SVIL: variants seen among roughly 807,000 people sequenced by gnomAD.
The protein encoded by SVIL is supervillin, also known as archvillin.
In SVIL, 101 loss-of-function variants were observed where a neutral mutation model predicts 240.4. The observed-to-expected ratio is 0.42, with a 90% CI of 0.36 to 0.50. SVIL has a LOEUF of 0.50. Among genes scored for constraint, SVIL ranks in the 20% least tolerant of loss-of-function variants. The probability of loss-of-function intolerance (pLI) is 0.01; values close to 1 mark genes in which losing one functional copy is unlikely to be tolerated. For synonymous variants in SVIL, 999 were observed against 1,100.0 expected (o/e 0.91, Z 1.82); for missense variants, 2,512 against 2,818.7 (o/e 0.89, Z 2.46).
chr10:29,594,388 A>C (rs1956501169), intron 1 of SVIL, among the ~76,000 whole-genome samples: 2 of 152,026 alleles, frequency 1.3e-5, no homozygotes, highest in African/African-American at 4.8e-5. Flanking sequence ...CTATACACCA[A>C]GAGTAAACCC....
chr10:29,585,738 G>A (rs1450804667), intron 1 of SVIL, among the ~76,000 whole-genome samples: 1 of 152,184 alleles, frequency 6.6e-6, no homozygotes, highest in Non-Finnish European at 1.5e-5. Flanking sequence ...ATGAGCCCTG[G>A]TGCCCCAAGA....
rs145077377 is a variant in SVIL, at chr10:29,465,723, C to T, written c.6005G>A (p.Arg2002His). The change falls in exon 34 of 38, where the codon CGC becomes CAC. Residue 2002 changes from arginine (R) to histidine (H), a missense_variant. This residue lies in a region of SVIL where 797 missense variants were observed against 925.3 expected (regional missense o/e 0.86). Coordinates refer to ENST00000355867, the MANE Select transcript of SVIL (RefSeq NM_021738.3). The part of the protein sequence containing the change: ...QDPGSFNFAP[R>H]LFILSSSSGD... ...AGAGGAGCTGCTGAGGATGAACAGG[C>T]GGGGCGCGAAGTTAAAACTTCCAGG... The T allele has an allele frequency of 1.2e-5, 19 of 1,612,394 alleles. No homozygotes were observed. The African/African-American group carries it at 1.3e-4, about 11-fold the overall frequency.
chr10:29,680,103 T>A (rs1029239024), intron 2 of SVIL, among the ~76,000 whole-genome samples: 2 of 152,096 alleles, frequency 1.3e-5, no homozygotes, highest in African/African-American at 4.8e-5. Flanking sequence ...GAGGATCTCT[T>A]AAGTCCAAGG....
chr10:29,617,353 T>G (rs1436769593), intron 1 of SVIL, among the ~76,000 whole-genome samples: 1 of 152,172 alleles, frequency 6.6e-6, no homozygotes, highest in East Asian at 1.9e-4. Context: ...GAAAGAGTTT[T>G]TCTTCCCTGA....
chr10:29,627,037 G>GAAAAT (rs142035627), intron 1 of SVIL, among the ~76,000 whole-genome samples: 2,533 of 150,974 alleles, frequency 0.017, 80 homozygotes, highest in African/African-American at 0.058. Context: ...AAAATAAAAT[G>GAAAAT]AAAATAAAAT....
chr10:29,670,994 G>C (rs1959728862), intron 2 of SVIL: 1 of 152,018 alleles, frequency 6.6e-6, no homozygotes, highest in Non-Finnish European at 1.5e-5. Flanking sequence ...CCAACCCTAA[G>C]AGCAACAACA....
chr10:29,590,466 TGATA>T (rs1347098155), intron 1 of SVIL, among the ~76,000 whole-genome samples: 1 of 152,156 alleles, frequency 6.6e-6, no homozygotes, highest in African/African-American at 2.4e-5. Flanking sequence ...ATGGACAGAA[TGATA>T]GATTTTTATC....
chr10:29,581,172 G>C (rs1389648751), intron 1 of SVIL, among the ~76,000 whole-genome samples: 1 of 152,182 alleles, frequency 6.6e-6, no homozygotes, highest in Admixed American at 6.5e-5. Context: ...TTGTATGCTA[G>C]CAACAGCCAT....
intron 1 of SVIL, among the ~76,000 whole-genome samples, chr10:29,578,000 TG>T (rs1351280158): frequency 1.3e-5 from 2 of 152,198 alleles, no homozygotes; most frequent in Non-Finnish European, 2.9e-5. Flanking sequence ...CATTTATAAA[TG>T]TGTATTTGTG....
chr10:29,496,517 A>G (rs1204280983), intron 18 of SVIL: 2 of 427,920 alleles, frequency 4.7e-6, no homozygotes, highest in Non-Finnish European at 9.3e-6. Flanking sequence ...GGAGAAATCC[A>G]TCCGTGTCCT....
intron 1 of SVIL, among the ~76,000 whole-genome samples, chr10:29,722,160 C>T (rs1964026232): frequency 6.6e-6 from 1 of 150,626 alleles, no homozygotes. Flanking sequence ...ATCGTTTGAA[C>T]CCAGGAGGTG....
intron 8 of SVIL, 149 bp downstream of exon 8, chr10:29,532,380 T>C: frequency 7.3e-7 from 1 of 1,374,732 alleles, no homozygotes; most frequent in Non-Finnish European, 9.6e-7. Context: ...GTGGTAGTTT[T>C]TGAGCCATTT....
intron 1 of SVIL, among the ~76,000 whole-genome samples, chr10:29,698,781 C>T (rs1343219698): frequency 1.3e-5 from 2 of 150,458 alleles, no homozygotes; most frequent in Admixed American, 6.6e-5. Context: ...GAAGTCTAGG[C>T]GCTAGGTATA....
intron 1 of SVIL, among the ~76,000 whole-genome samples, chr10:29,694,640 A>G (rs1316749362): frequency 6.6e-6 from 1 of 152,108 alleles, no homozygotes; most frequent in Admixed American, 6.5e-5. Context: ...TTGTATTTTC[A>G]GTAGAGAAAA....
chr10:29,504,216 T>C (rs967213806), intron 17 of SVIL, among the ~76,000 whole-genome samples: 10 of 152,190 alleles, frequency 6.6e-5, no homozygotes, highest in African/African-American at 2.4e-4. Flanking sequence ...AAAGCCTAAC[T>C]GTAAAAATTA....
In SVIL at chr10:29,499,232, G is replaced by A. The variant is rs773985062; in HGVS notation, c.3548C>T (p.Thr1183Met). The change falls in exon 18 of 38, where the codon ACG (threonine) becomes ATG (methionine). Residue 1183 changes from threonine to methionine, a missense_variant. Thr to Met is a moderately conservative substitution (Grantham distance 81). This residue lies in a region of SVIL where 272 missense variants were observed against 406.8 expected (regional missense o/e 0.67). Coordinates refer to ENST00000355867, the MANE Select transcript of SVIL (RefSeq NM_021738.3). ...RVTESRESQM[T>M]IEERKQLITV... is the part of the protein sequence containing the mutation. ...GATGAGCTGCTTCCTCTCCTCAATC[G>A]TCATTTGGCTCTCTCGACTTTCTGT... The A allele has an allele frequency of 6.0e-5, 97 of 1,613,940 alleles. No homozygotes were observed. Among genetic ancestry groups the A allele is most frequent in the Non-Finnish European group, 7.0e-5 (83 of 1,179,998 alleles).
intron 1 of SVIL, 113 bp from the exon 2 acceptor site, chr10:29,569,425 C>G: frequency 2.7e-6 from 1 of 364,904 alleles, no homozygotes; most frequent in South Asian, 1.1e-4. Flanking sequence ...AAAAGAAAAC[C>G]ATTAACCAGA....
chr10:29,619,246 C>T (rs1337070486), intron 1 of SVIL, among the ~76,000 whole-genome samples: 2 of 152,184 alleles, frequency 1.3e-5, no homozygotes, highest in Non-Finnish European at 2.9e-5. Flanking sequence ...AGGAGATTTT[C>T]AGTCCCAGAG....
At chr10:29,700,898 T>C (rs1962467163) in intron 1 of SVIL, among the ~76,000 whole-genome samples, 1 of 152,156 alleles carries the variant, frequency 6.6e-6, no homozygotes, top group Non-Finnish European at 1.5e-5. Context: ...GCACTGCACC[T>C]TAGCCCATCG....
Sources: allele counts gnomAD v4.1 joint callset (sites outside exome capture counted in the v4.1 genomes callset), GRCh38; gene constraint gnomAD v4.1.1; regional missense constraint gnomAD v4.1.1; transcripts MANE v1.5; gene names NCBI Gene and HGNC (gene_info 2026-07-23, HGNC 2026-07-21).